Variants in PRKCB observed in about 807,000 individuals in gnomAD.
PRKCB encodes protein kinase C beta.
A neutral mutation model predicts 81.5 loss-of-function variants in PRKCB; 13 were observed. The ratio of observed to expected loss-of-function variants is 0.16; its 90% confidence interval spans 0.10 to 0.25. The LOEUF is 0.25. Among genes scored for constraint, PRKCB ranks in the 10% least tolerant of loss-of-function variants. The probability of loss-of-function intolerance (pLI) is 1.00; values close to 1 mark genes in which losing one functional copy is unlikely to be tolerated. For missense variants in PRKCB, 509 were observed against 875.7 expected (o/e 0.58, Z 5.29); for synonymous variants, 335 against 321.4 (o/e 1.04, Z -0.45).
chr16:23,905,056 TAATAAA>T (rs1963537979), intron 2 of PRKCB, among the ~76,000 whole-genome samples: 1 of 27,864 alleles, frequency 3.6e-5, no homozygotes, highest in African/African-American at 1.1e-4. Context: ...TTTTTTTTTT[TAATAAA>T]AAAAAAATAG....
chr16:24,042,248 C>T (rs1418744958), intron 5 of PRKCB, among the ~76,000 whole-genome samples: 1 of 152,152 alleles, frequency 6.6e-6, no homozygotes, highest in Non-Finnish European at 1.5e-5. Context: ...AAAGCCATTC[C>T]TCCTCGGAGG....
intron 3 of PRKCB, among the ~76,000 whole-genome samples, chr16:24,019,535 A>G (rs1965331180): frequency 6.6e-6 from 1 of 152,178 alleles, no homozygotes; most frequent in Non-Finnish European, 1.5e-5. Context: ...AGGCCGAAGC[A>G]GGCGGACCAC....
intron 2 of PRKCB, among the ~76,000 whole-genome samples, chr16:23,851,161 CA>C (rs1487059171): frequency 6.6e-6 from 1 of 152,126 alleles, no homozygotes; most frequent in Non-Finnish European, 1.5e-5. Flanking sequence ...AATCATTGCC[CA>C]AACCAATGTT....
intron 2 of PRKCB, among the ~76,000 whole-genome samples, chr16:23,901,713 T>C (rs6497698): frequency 0.94 from 142,565 of 152,190 alleles, 66,839 homozygotes; most frequent in East Asian, 1. Context: ...TGAGGTTCTC[T>C]TCCCTGAAGT....
chr16:23,992,871 G>A (rs891496063), intron 3 of PRKCB, among the ~76,000 whole-genome samples: 8 of 152,182 alleles, frequency 5.3e-5, no homozygotes, highest in African/African-American at 1.9e-4. Context: ...TGAAGCTGGG[G>A]ACATTGAGCC....
chr16:24,068,682 A>T (rs901609442), intron 5 of PRKCB, among the ~76,000 whole-genome samples: 2 of 152,242 alleles, frequency 1.3e-5, no homozygotes, highest in Admixed American at 6.5e-5. Context: ...ATTATGTAAA[A>T]ATTGAATGTT....
intron 2 of PRKCB, among the ~76,000 whole-genome samples, chr16:23,979,842 G>A (rs772788063): frequency 3.9e-5 from 6 of 152,174 alleles, no homozygotes; most frequent in South Asian, 2.1e-4. Context: ...TTAATATAAC[G>A]AGGACCGAAG....
At position 23,899,808 on chromosome 16, in the gene PRKCB, A is replaced by AATTT. The variant is rs200198656; in HGVS notation, c.205+62458_205+62461dup. ...ACGTGCCACCAGGCCCAGCAAATAA[A>AATTT]ATTTATTTATTTATTTATTTATTTA... is the stretch of plus-strand genomic sequence containing the variant. On this transcript the variant is annotated intron_variant, in intron 2 of 16. Coordinates refer to ENST00000643927, the MANE Select transcript of PRKCB (RefSeq NM_002738.7). Among the ~76,000 whole-genome samples the AATTT allele has an allele frequency of 1.3e-4, 5 of 38,306 alleles. 1 individual carries two copies. Among genetic ancestry groups the AATTT allele is most frequent in the African/African-American group, 3.0e-4 (4 of 13,448 alleles). 25.1% of individuals were successfully genotyped at this position (38,306 alleles called of 152,430 possible). A position where few individuals can be genotyped will look rare whatever the true frequency, so the allele number is the denominator to read the frequency against.
intron 9 of PRKCB, among the ~76,000 whole-genome samples, chr16:24,130,678 A>T (rs1966852058): frequency 2.0e-5 from 3 of 152,182 alleles, no homozygotes; most frequent in African/African-American, 7.2e-5. Context: ...GTGATTGGGG[A>T]CAAGGTGTCT....
At chr16:24,049,103 A>G (rs1217626883) in intron 5 of PRKCB, among the ~76,000 whole-genome samples, 3 of 129,098 alleles carry the variant, frequency 2.3e-5, no homozygotes, top group African/African-American at 9.3e-5. Context: ...TCACTGGCCA[A>G]GATCTGCCCA....
intron 5 of PRKCB, among the ~76,000 whole-genome samples, chr16:24,046,466 C>T (rs758781621): frequency 1.8e-4 from 27 of 152,266 alleles, no homozygotes; most frequent in African/African-American, 5.8e-4. Flanking sequence ...TAAAATAAAG[C>T]GGCATGATGT....
At chr16:24,006,870 C>T (rs558235610) in intron 3 of PRKCB, among the ~76,000 whole-genome samples, 67 of 152,246 alleles carry the variant, frequency 4.4e-4, no homozygotes, top group Admixed American at 1.2e-3. Context: ...ACAGATGTTG[C>T]GCCAATTGGA....
chr16:23,955,419 A>T (rs776199773), intron 2 of PRKCB, among the ~76,000 whole-genome samples: 2 of 152,056 alleles, frequency 1.3e-5, no homozygotes, highest in African/African-American at 4.8e-5. Context: ...TGTGATTTCC[A>T]GCCTTCCTTT....
intron 10 of PRKCB, among the ~76,000 whole-genome samples, chr16:24,166,630 G>A (rs16973327): frequency 0.052 from 7,893 of 152,210 alleles, 680 homozygotes; most frequent in African/African-American, 0.18. Flanking sequence ...AAACACGGCC[G>A]TTTGGAAATT....
chr16:23,894,786 C>T (rs1333066389), intron 2 of PRKCB, among the ~76,000 whole-genome samples: 2 of 152,192 alleles, frequency 1.3e-5, no homozygotes, highest in East Asian at 1.9e-4. Flanking sequence ...TTCATTCTGA[C>T]ATTATGTTGT....
At chr16:24,038,001 C>G (rs1252298552) in intron 5 of PRKCB, among the ~76,000 whole-genome samples, 2 of 151,676 alleles carry the variant, frequency 1.3e-5, no homozygotes, top group East Asian at 1.9e-4. Context: ...GGCAACATGT[C>G]GAAACATCAT....
At chr16:23,954,170 A>G (rs1340966942) in intron 2 of PRKCB, among the ~76,000 whole-genome samples, 1 of 151,972 alleles carries the variant, frequency 6.6e-6, no homozygotes, top group African/African-American at 2.4e-5. Context: ...GCTGGTCTTG[A>G]ACTCCTGACC....
intron 7 of PRKCB, among the ~76,000 whole-genome samples, chr16:24,108,944 C>T (rs1966621186): frequency 2.0e-5 from 3 of 146,682 alleles, no homozygotes; most frequent in Non-Finnish European, 4.5e-5. Context: ...CAGAGGCGCC[C>T]CTCACTTCCC....
intron 2 of PRKCB, among the ~76,000 whole-genome samples, chr16:23,850,143 T>C (rs1442043744): frequency 6.6e-6 from 1 of 152,192 alleles, no homozygotes; most frequent in Non-Finnish European, 1.5e-5. Context: ...ACAAATGATA[T>C]AATTTCTCTC....
Sources: gnomAD v4.1 joint callset for allele counts (sites outside exome capture counted in the v4.1 genomes callset) on GRCh38, gnomAD v4.1.1 for gene constraint, MANE v1.5 for transcripts, NCBI Gene and HGNC (gene_info 2026-07-23, HGNC 2026-07-21) for gene names.